PTPRD: variants seen among roughly 807,000 people sequenced by gnomAD.
PTPRD encodes protein tyrosine phosphatase receptor type D.
Under a neutral mutation model 214.5 loss-of-function variants are expected in PTPRD, and 34 were observed. The observed-to-expected ratio is 0.16, with a 90% CI of 0.12 to 0.21. The LOEUF (loss-of-function observed/expected upper bound fraction) is 0.21, where lower values mean the gene tolerates loss of function less well. Ranked by LOEUF, PTPRD falls within the 10% of genes least tolerant of loss-of-function variation. The pLI, the probability that PTPRD is intolerant of heterozygous loss-of-function variation, is 1.00. For missense variants in PTPRD, 2,545 were observed against 2,398.7 expected (o/e 1.06, Z -1.27); for synonymous variants, 1,128 against 845.7 (o/e 1.33, Z -5.79).
At chr9:9,789,321 G>C (rs550942435) in intron 5 of PTPRD, among the ~76,000 whole-genome samples, 1 of 152,190 alleles carries the variant, frequency 6.6e-6, no homozygotes, top group Non-Finnish European at 1.5e-5. Context: ...GAGATTTTCA[G>C]TGCGTAACTA....
intron 14 of PTPRD, among the ~76,000 whole-genome samples, chr9:8,602,483 T>C (rs7031127): frequency 0.053 from 8,135 of 152,268 alleles, 709 homozygotes; most frequent in African/African-American, 0.19. Context: ...CATTGTTTCA[T>C]GAGATGATGA....
Position 9,004,058 on chromosome 9 carries a change from A to G in PTPRD, c.-104+14639T>C, listed in dbSNP as rs191085705. Among the ~76,000 whole-genome samples the G allele has an allele frequency of 9.9e-5, 15 of 152,164 alleles. No homozygotes were observed. In the East Asian group the frequency reaches 2.7e-3, roughly 28 times the overall value. ...ATTCTTGTGCTTATGTTTCTCCTTT[A>G]GATAAATCTTTTTGTGTTCTCACAG... On this transcript the variant is annotated intron_variant, in intron 11 of 45. Transcript: ENST00000381196.
intron 10 of PTPRD, among the ~76,000 whole-genome samples, chr9:9,166,473 T>G (rs547137879): frequency 6.6e-6 from 1 of 152,264 alleles, no homozygotes; most frequent in East Asian, 1.9e-4. Flanking sequence ...GTGCAAAGTT[T>G]AAGACCACCT....
intron 3 of PTPRD, among the ~76,000 whole-genome samples, chr9:10,167,836 G>T (rs554426027): frequency 1.3e-5 from 2 of 152,252 alleles, no homozygotes; most frequent in South Asian, 2.1e-4. Context: ...TGTGATAGAA[G>T]ATAAAGCCCA....
intron 2 of PTPRD, among the ~76,000 whole-genome samples, chr9:10,359,291 T>G (rs568239315): frequency 2.6e-5 from 4 of 152,048 alleles, no homozygotes; most frequent in Non-Finnish European, 5.9e-5. Context: ...GTAATACATA[T>G]ATGATTATAA....
chr9:10,260,402 G>T (rs2093614740), intron 3 of PTPRD, among the ~76,000 whole-genome samples: 1 of 152,088 alleles, frequency 6.6e-6, no homozygotes, highest in Non-Finnish European at 1.5e-5. Context: ...TGTACTCCAG[G>T]TCTCAGTTTT....
chr9:9,606,154 G>A (rs1471405421), intron 7 of PTPRD, among the ~76,000 whole-genome samples: 1 of 151,962 alleles, frequency 6.6e-6, no homozygotes, highest in Non-Finnish European at 1.5e-5. Flanking sequence ...ATAACCATAA[G>A]CACTTTAATA....
rs114761602 is a variant in PTPRD, at chr9:9,946,932, A to C, written c.-471-8322T>G. On this transcript the variant is annotated intron_variant, in intron 4 of 45. Transcript: ENST00000381196. ...GACACATTATCATTTTTACAATGCA[A>C]ATGACAGAATGAATAACGATTATAT... Among the ~76,000 whole-genome samples, 1,232 of 152,100 alleles carry C rather than the reference A, an allele frequency of 8.1e-3. 14 individuals are homozygous for C. Among genetic ancestry groups the C allele is most frequent in the African/African-American group, 0.028 (1,173 of 41,508 alleles).
chr9:8,810,142 G>T (rs924449114), intron 11 of PTPRD, among the ~76,000 whole-genome samples: 2 of 152,144 alleles, frequency 1.3e-5, no homozygotes, highest in African/African-American at 4.8e-5. Flanking sequence ...AAGGTAGATA[G>T]TCATATTTTT....
At chr9:9,554,726 T>G (rs2154286895) in intron 8 of PTPRD, among the ~76,000 whole-genome samples, 1 of 152,042 alleles carries the variant, frequency 6.6e-6, no homozygotes, top group East Asian at 1.9e-4. Flanking sequence ...GAAATAGAGA[T>G]AAAAAGAATT....
chr9:9,313,439 T>C (rs779988764), intron 9 of PTPRD, among the ~76,000 whole-genome samples: 3 of 152,120 alleles, frequency 2.0e-5, no homozygotes, highest in Admixed American at 6.6e-5. Flanking sequence ...CGTAAATAAG[T>C]GTCAGATACA....
At chr9:8,690,382 C>T (rs189249182) in intron 12 of PTPRD, among the ~76,000 whole-genome samples, 2 of 151,700 alleles carry the variant, frequency 1.3e-5, no homozygotes, top group Non-Finnish European at 2.9e-5. Context: ...AAAAAATTAG[C>T]CGGGCATGGT....
intron 2 of PTPRD, among the ~76,000 whole-genome samples, chr9:10,451,874 C>T (rs775049204): frequency 1.3e-5 from 2 of 151,882 alleles, no homozygotes; most frequent in African/African-American, 4.8e-5. Context: ...TGTTACATAC[C>T]ACAGTAACTT....
chr9:9,528,264 C>A (rs2074616007), intron 8 of PTPRD, among the ~76,000 whole-genome samples: 1 of 152,050 alleles, frequency 6.6e-6, no homozygotes, highest in Non-Finnish European at 1.5e-5. Flanking sequence ...AGGGAAACAA[C>A]CAAAAGAAAG....
At chr9:9,668,391 T>A (rs2154384733) in intron 7 of PTPRD, among the ~76,000 whole-genome samples, 1 of 152,286 alleles carries the variant, frequency 6.6e-6, no homozygotes, top group Non-Finnish European at 1.5e-5. Flanking sequence ...GTCTTCAAAG[T>A]CTAAATTAGG....
intron 34 of PTPRD, among the ~76,000 whole-genome samples, chr9:8,439,388 G>C (rs1230302100): frequency 6.6e-6 from 1 of 152,226 alleles, no homozygotes; most frequent in Non-Finnish European, 1.5e-5. Flanking sequence ...TCTGAACAGA[G>C]AAGGGTCTAT....
At chr9:9,756,799 T>TA in intron 6 of PTPRD, among the ~76,000 whole-genome samples, 1 of 152,280 alleles carries the variant, frequency 6.6e-6, no homozygotes. Flanking sequence ...ACCACAGTCT[T>TA]AAAGATTACA....
chr9:9,413,741 T>C (rs1476731644), intron 8 of PTPRD, among the ~76,000 whole-genome samples: 1 of 152,300 alleles, frequency 6.6e-6, no homozygotes, highest in East Asian at 1.9e-4. Flanking sequence ...TCCTTACTTG[T>C]AAAGCACAGG....
At chr9:9,954,407 G>C (rs1400925307) in intron 4 of PTPRD, among the ~76,000 whole-genome samples, 1 of 143,318 alleles carries the variant, frequency 7.0e-6, no homozygotes, top group Non-Finnish European at 1.5e-5. Flanking sequence ...TTTCTATTAA[G>C]TATACTTATT....
Sources: gnomAD v4.1 joint callset for allele counts (sites outside exome capture counted in the v4.1 genomes callset) on GRCh38, gnomAD v4.1.1 for gene constraint, MANE v1.5 for transcripts, NCBI Gene and HGNC (gene_info 2026-07-23, HGNC 2026-07-21) for gene names.